Variants in RNF130 observed in about 807,000 individuals in gnomAD.
RNF130 encodes ring finger protein 130.
Under a neutral mutation model 44.6 loss-of-function variants are expected in RNF130, and 21 were observed. That is an observed-to-expected ratio of 0.47 (90% CI 0.33 to 0.68). The LOEUF (loss-of-function observed/expected upper bound fraction) is 0.68, where lower values mean the gene tolerates loss of function less well. RNF130 is among the 30% of genes least tolerant of loss of function. The pLI, the probability that RNF130 is intolerant of heterozygous loss-of-function variation, is 0.02. For synonymous variants in RNF130, 214 were observed against 210.4 expected (o/e 1.02, Z -0.15); for missense variants, 479 against 560.6 (o/e 0.85, Z 1.47).
chr5:180,018,154 G>T (rs1264132813), intron 2 of RNF130, among the ~76,000 whole-genome samples: 1 of 152,092 alleles, frequency 6.6e-6, no homozygotes, highest in Non-Finnish European at 1.5e-5. Flanking sequence ...AATTAGCTGG[G>T]TGTGGTGGCA....
chr5:179,961,250 C>T (rs1483240040), intron 8 of RNF130, among the ~76,000 whole-genome samples: 2 of 152,204 alleles, frequency 1.3e-5, no homozygotes, highest in African/African-American at 4.8e-5. Context: ...CACGCACACA[C>T]ACACTCTCTC....
At chr5:180,011,779 GT>G (rs1392961647) in intron 3 of RNF130, among the ~76,000 whole-genome samples, 3 of 149,322 alleles carry the variant, frequency 2.0e-5, no homozygotes, top group African/African-American at 7.4e-5. Flanking sequence ...AAAAAAAAAA[GT>G]TTTTTAAATT....
intron 1 of RNF130, among the ~76,000 whole-genome samples, chr5:180,049,382 A>T (rs1038025227): frequency 2.6e-5 from 4 of 152,168 alleles, no homozygotes; most frequent in African/African-American, 9.7e-5. Context: ...AATCATCTTT[A>T]TTTCTGCTAA....
At chr5:180,017,259 G>T (rs372933990) in intron 2 of RNF130, among the ~76,000 whole-genome samples, 17 of 152,210 alleles carry the variant, frequency 1.1e-4, no homozygotes, top group African/African-American at 4.1e-4. Context: ...AATACCACAA[G>T]GTGATGGCGT....
intron 3 of RNF130, among the ~76,000 whole-genome samples, chr5:180,000,871 TTAAG>T (rs1246391766): frequency 6.6e-6 from 1 of 152,222 alleles, no homozygotes; most frequent in Non-Finnish European, 1.5e-5. Flanking sequence ...TGGCAATTCA[TTAAG>T]TTTTTTCCCA....
chr5:180,025,826 T>C (rs1763972254), intron 2 of RNF130, among the ~76,000 whole-genome samples: 1 of 152,170 alleles, frequency 6.6e-6, no homozygotes, highest in Non-Finnish European at 1.5e-5. Context: ...GGTAAAACAA[T>C]AGTATACTTA....
At chr5:179,990,171 G>A (rs913217954) in intron 3 of RNF130, among the ~76,000 whole-genome samples, 1 of 152,142 alleles carries the variant, frequency 6.6e-6, no homozygotes, top group Non-Finnish European at 1.5e-5. Context: ...TAGTGGCCCC[G>A]AATGCCTGGC....
intron 3 of RNF130, among the ~76,000 whole-genome samples, chr5:180,003,397 T>TA (rs1431357924): frequency 2.0e-5 from 3 of 152,224 alleles, no homozygotes; most frequent in Non-Finnish European, 2.9e-5. Flanking sequence ...ATCAGAGACC[T>TA]ACAAATATTT....
chr5:180,057,802 G>A (rs1764869684), intron 1 of RNF130, among the ~76,000 whole-genome samples: 1 of 152,136 alleles, frequency 6.6e-6, no homozygotes, highest in African/African-American at 2.4e-5. Flanking sequence ...TGAGTTCTAT[G>A]AGCTGTTATA....
chr5:180,036,840 CAGCTTAAGA>C (rs1299076312), intron 2 of RNF130, among the ~76,000 whole-genome samples: 1 of 53,814 alleles, frequency 1.9e-5, no homozygotes, highest in Non-Finnish European at 4.0e-5. Context: ...CCCCCACACT[CAGCTTAAGA>C]AATAAAACAT....
intron 5 of RNF130, among the ~76,000 whole-genome samples, chr5:179,976,458 C>T (rs747487184): frequency 1.3e-5 from 2 of 152,212 alleles, no homozygotes; most frequent in Non-Finnish European, 2.9e-5. Context: ...TGACGCCTCC[C>T]TGTGTCCCGC....
In RNF130 at chr5:179,980,199, C is replaced by T. The variant is rs751865376; in HGVS notation, c.695G>A (p.Arg232His). 6.1e-5 allele frequency: 98 copies of T among 1,613,706 alleles called. No individual in the cohort carries two copies. The highest frequency in any genetic ancestry group is 7.7e-5 in the Non-Finnish European group (91 of 1,179,850). ...TTTCTTGGCTGCATCTCCGAGACGA[C>T]GCTATGAAAATTGCAAATAAAAACA... ...RYTNARDRNQ[R>H]RLGDAAKKAI... Residue 232 changes from arginine to histidine, a missense_variant and splice_region_variant, in exon 4 of 9, where the codon CGT becomes CAT. By Grantham distance (29) the Arg-to-His change is conservative. Coordinates refer to ENST00000521389, the MANE Select transcript of RNF130 (RefSeq NM_018434.6).
chr5:179,987,146 C>T (rs1045164665), intron 3 of RNF130, among the ~76,000 whole-genome samples: 2 of 151,656 alleles, frequency 1.3e-5, no homozygotes, highest in Non-Finnish European at 2.9e-5. Flanking sequence ...TCCCTTCCTC[C>T]TTTCCTTCCT....
intron 7 of RNF130, among the ~76,000 whole-genome samples, chr5:179,936,494 G>C (rs941576479): frequency 6.6e-6 from 1 of 152,104 alleles, no homozygotes; most frequent in African/African-American, 2.4e-5. Context: ...CTCCCAAAGT[G>C]CTGGGATTAC....
At chr5:180,055,258 A>AC (rs1463504814) in intron 1 of RNF130, among the ~76,000 whole-genome samples, 21 of 33,926 alleles carry the variant, frequency 6.2e-4, no homozygotes, top group Non-Finnish European at 1.0e-3. Context: ...CAAAAAAAAA[A>AC]AAAAAAAAAA....
chr5:179,959,400 G>C (rs888304132), intron 8 of RNF130, among the ~76,000 whole-genome samples: 2 of 152,118 alleles, frequency 1.3e-5, no homozygotes, highest in Admixed American at 6.5e-5. Flanking sequence ...GGCCGAGACA[G>C]GTGGATCACA....
chr5:180,000,268 C>A (rs577415347), intron 3 of RNF130, among the ~76,000 whole-genome samples: 6 of 152,180 alleles, frequency 3.9e-5, no homozygotes, highest in African/African-American at 1.4e-4. Context: ...CTGGAAAAAT[C>A]TGTTTTTAGT....
intron 1 of RNF130, among the ~76,000 whole-genome samples, chr5:180,048,007 T>C (rs2113154382): frequency 6.6e-6 from 1 of 151,904 alleles, no homozygotes; most frequent in Non-Finnish European, 1.5e-5. Context: ...CACACTTTTT[T>C]TTTTTTTATT....
intron 2 of RNF130, among the ~76,000 whole-genome samples, chr5:180,038,442 T>A (rs1414680373): frequency 6.6e-6 from 1 of 150,956 alleles, no homozygotes; most frequent in African/African-American, 2.4e-5. Context: ...AACCTAGTAT[T>A]TCCCAAAGTG....
Sources: gnomAD v4.1 joint callset for allele counts (sites outside exome capture counted in the v4.1 genomes callset) on GRCh38, gnomAD v4.1.1 for gene constraint, MANE v1.5 for transcripts, NCBI Gene and HGNC (gene_info 2026-07-23, HGNC 2026-07-21) for gene names.